PCDHA3: variants seen among roughly 807,000 people sequenced by gnomAD.
The protein encoded by PCDHA3 is protocadherin alpha-3.
A neutral mutation model predicts 62.2 loss-of-function variants in PCDHA3; 41 were observed. The ratio of observed to expected loss-of-function variants is 0.66; its 90% confidence interval spans 0.51 to 0.86. The LOEUF is 0.86. PCDHA3 is among the 40% of genes least tolerant of loss of function. The probability of loss-of-function intolerance (pLI) is 0.00; values close to 1 mark genes in which losing one functional copy is unlikely to be tolerated. For missense variants in PCDHA3, 1,304 were observed against 1,241.2 expected, an observed-to-expected ratio of 1.05 and a Z score of -0.76; for synonymous variants, 640 against 555.4, an observed-to-expected ratio of 1.15 and a Z score of -2.14.
At chr5:140,902,920 C>T (rs1186097921) in intron 1 of PCDHA3, among the ~76,000 whole-genome samples, 1 of 152,304 alleles carries the variant, frequency 6.6e-6, no homozygotes, top group Non-Finnish European at 1.5e-5. Context: ...AGTAGTATTG[C>T]ATGGTGTATA....
At chr5:140,954,396 C>T (rs894225724) in intron 1 of PCDHA3, among the ~76,000 whole-genome samples, 3 of 152,176 alleles carry the variant, frequency 2.0e-5, no homozygotes, top group Admixed American at 1.3e-4. Context: ...TTTACAACCC[C>T]ACCAACAGGG....
chr5:140,802,846 C>T lies in PCDHA3; in HGVS notation c.1649C>T (p.Thr550Met), dbSNP rs782401655. 4 of 1,613,542 alleles carry T rather than the reference C, an allele frequency of 2.5e-6. No homozygotes were observed. The highest frequency in any genetic ancestry group is 2.7e-5 in the African/African-American group (2 of 74,986). Residue 550 changes from threonine (T) to methionine (M), a missense_variant, in exon 1 of 4, where the codon ACG becomes ATG. By Grantham distance (81) the Thr-to-Met change is moderately conservative (BLOSUM62 -1). Coordinates refer to ENST00000522353, the MANE Select transcript of PCDHA3 (RefSeq NM_018906.3). ...AGVPPLGSNV[T>M]LQVFVLDEND... The stretch of plus-strand genomic sequence containing the variant: ...GTGCCGCCTCTGGGCAGCAACGTGA[C>T]GCTGCAGGTGTTCGTGCTGGACGAG...
At chr5:140,898,706 G>T (rs1554188200) in intron 1 of PCDHA3, among the ~76,000 whole-genome samples, 1 of 152,170 alleles carries the variant, frequency 6.6e-6, no homozygotes, top group Admixed American at 6.5e-5. Context: ...CTTTAAAGTA[G>T]TTTTTTCCAA....
intron 1 of PCDHA3, chr5:140,864,624 A>C (rs2048544669): frequency 6.6e-6 from 1 of 152,110 alleles, no homozygotes; most frequent in African/African-American, 2.4e-5. Flanking sequence ...TTTTTTAAAA[A>C]GAAAACAAAA....
Position 140,802,830 on chromosome 5 carries a change from C to T in PCDHA3, c.1633C>T (p.Leu545=). ...VSARDAGVPP[L]GSNVTLQVFV... is the part of the protein sequence containing the mutation. ...TGCGCGCGATGCGGGCGTGCCGCCT[C>T]TGGGCAGCAACGTGACGCTGCAGGT... The change falls in exon 1 of 4, where the codon CTG becomes TTG. Residue 545 remains leucine, a synonymous_variant. Transcript: ENST00000522353. 3 of 1,613,688 alleles carry T rather than the reference C, an allele frequency of 1.9e-6. No homozygotes were observed. The highest frequency in any genetic ancestry group is 2.5e-6 in the Non-Finnish European group (3 of 1,179,908).
At chr5:140,822,048 G>C (rs2150113216) in intron 1 of PCDHA3, 20 of 1,614,228 alleles carry the variant, frequency 1.2e-5, no homozygotes, top group South Asian at 4.4e-5. Flanking sequence ...GGATCGACCG[G>C]GAGGAGCTGT....
intron 1 of PCDHA3, among the ~76,000 whole-genome samples, chr5:140,924,635 C>G (rs2081927697): frequency 6.6e-6 from 1 of 152,108 alleles, no homozygotes; most frequent in Non-Finnish European, 1.5e-5. Context: ...GGGCTCACAC[C>G]TGTAATCCCA....
At chr5:140,808,420 T>TGCCCTGGACCGC in intron 1 of PCDHA3, 1 of 1,614,142 alleles carries the variant, frequency 6.2e-7, no homozygotes. Flanking sequence ...TGCTGGACAG[T>TGCCCTGGACCGC]GCCCTGGACC....
chr5:141,006,441 C>T (rs2098274470), intron 3 of PCDHA3, among the ~76,000 whole-genome samples: 1 of 152,110 alleles, frequency 6.6e-6, no homozygotes, highest in Non-Finnish European at 1.5e-5. Flanking sequence ...TCTCAATCTC[C>T]TGACCTCGAG....
Position 140,801,090 on chromosome 5 carries a change from C to G in PCDHA3, c.-108C>G. On this transcript the variant is annotated 5_prime_UTR_variant, in exon 1 of 4. Transcript: ENST00000522353. ...TTCAGATACTGCTTTGCTTCATCCT[C>G]TCTAAAATTTAACACCGAGGAGTTT... is the stretch of plus-strand genomic sequence containing the variant. The G allele has an allele frequency of 6.7e-7, 1 of 1,494,088 alleles. No homozygotes were observed. The highest frequency in any genetic ancestry group is 8.9e-7 in the Non-Finnish European group (1 of 1,128,804). 92.6% of individuals were successfully genotyped at this position (1,494,088 alleles called of 1,614,324 possible). A position where few individuals can be genotyped will look rare whatever the true frequency, so the allele number is the denominator to read the frequency against.
intron 1 of PCDHA3, chr5:140,863,681 T>C (rs2048119190): frequency 6.8e-6 from 2 of 294,950 alleles, no homozygotes; most frequent in Non-Finnish European, 1.3e-5. Flanking sequence ...TTTTGCTTTT[T>C]CTTTTGAGAT....
chr5:140,934,555 CT>C (rs1355336850), intron 1 of PCDHA3, among the ~76,000 whole-genome samples: 2 of 151,972 alleles, frequency 1.3e-5, no homozygotes, highest in African/African-American at 2.4e-5. Context: ...ATCATTTCTT[CT>C]TTTTTTTAAT....
chr5:140,890,515 T>C (rs996565867), intron 1 of PCDHA3, among the ~76,000 whole-genome samples: 2 of 152,198 alleles, frequency 1.3e-5, no homozygotes, highest in African/African-American at 4.8e-5. Context: ...CTCTATTTCC[T>C]TCCTTTGTTG....
chr5:140,946,080 A>T lies in PCDHA3; in HGVS notation c.2395-32869A>T, dbSNP rs74501731. ...GGGAGAAAATATTTGCAAACCACAG[A>T]TCTGATAAGGAGTTAACATACCAAA... On this transcript the variant is annotated intron_variant, in intron 1 of 3. Coordinates refer to ENST00000522353, the MANE Select transcript of PCDHA3 (RefSeq NM_018906.3). Among the ~76,000 whole-genome samples, 867 of 152,226 alleles carry T rather than the reference A, an allele frequency of 5.7e-3. 6 individuals carry two copies. Among genetic ancestry groups the T allele is most frequent in the African/African-American group, 0.02 (843 of 41,572 alleles).
At chr5:140,815,933 T>C (rs1581740535) in intron 1 of PCDHA3, 1 of 152,220 alleles carries the variant, frequency 6.6e-6, no homozygotes, top group African/African-American at 2.4e-5. Context: ...AGGTTTCTAC[T>C]GAGAAATCTA....
At chr5:140,915,083 C>G (rs2076973100) in intron 1 of PCDHA3, among the ~76,000 whole-genome samples, 1 of 151,628 alleles carries the variant, frequency 6.6e-6, no homozygotes, top group African/African-American at 2.4e-5. Flanking sequence ...GTAGCTGGGA[C>G]TATGGGCACG....
intron 1 of PCDHA3, among the ~76,000 whole-genome samples, chr5:140,826,507 A>G (rs1554130579): frequency 6.6e-6 from 1 of 152,188 alleles, no homozygotes. Context: ...TAAGGTGAAG[A>G]TGATCATGTC....
At chr5:140,832,312 C>G (rs2150200797) in intron 1 of PCDHA3, among the ~76,000 whole-genome samples, 49 of 152,244 alleles carry the variant, frequency 3.2e-4, no homozygotes, top group African/African-American at 1.1e-3. Flanking sequence ...TTAAAAGTTG[C>G]TTAAGGGCCA....
chr5:140,931,247 C>G (rs782447233), intron 1 of PCDHA3, among the ~76,000 whole-genome samples: 4 of 152,032 alleles, frequency 2.6e-5, no homozygotes, highest in African/African-American at 4.8e-5. Flanking sequence ...CTTTTCCTAC[C>G]AAGAAATTTC....
Sources: gnomAD v4.1 joint callset for allele counts (sites outside exome capture counted in the v4.1 genomes callset) on GRCh38, gnomAD v4.1.1 for gene constraint, MANE v1.5 for transcripts, NCBI Gene and HGNC (gene_info 2026-07-23, HGNC 2026-07-21) for gene names.